GAS7: variants seen among roughly 807,000 people sequenced by gnomAD.
GAS7 encodes growth arrest-specific protein 7.
A neutral mutation model predicts 71.1 loss-of-function variants in GAS7; 28 were observed. The ratio of observed to expected loss-of-function variants is 0.39; its 90% CI spans 0.29 to 0.54. The LOEUF is 0.54. Among genes scored for constraint, GAS7 ranks in the 20% least tolerant of loss-of-function variants. The pLI is 0.62. For synonymous variants in GAS7, 258 were observed against 245.8 expected (o/e 1.05, Z -0.46); for missense variants, 436 against 627.8 (o/e 0.69, Z 3.27).
intron 1 of GAS7, among the ~76,000 whole-genome samples, chr17:10,134,431 G>A (rs918418417): frequency 3.3e-5 from 5 of 152,074 alleles, no homozygotes; most frequent in East Asian, 1.9e-4. Context: ...TATTTCCTTC[G>A]GATATATACC....
At chr17:10,175,990 C>T (rs776375503) in intron 1 of GAS7, among the ~76,000 whole-genome samples, 7 of 152,182 alleles carry the variant, frequency 4.6e-5, no homozygotes, top group African/African-American at 1.4e-4. Flanking sequence ...CGTTATCACT[C>T]GGTCTGGTTC....
chr17:9,918,221 G>A (rs2067662397), intron 12 of GAS7, 122 bp from the exon 13 acceptor site: 2 of 667,294 alleles, frequency 3.0e-6, no homozygotes, highest in African/African-American at 1.8e-5. Flanking sequence ...GACTCTCTGG[G>A]GTCTGATGAA....
rs369650291 is a variant in GAS7, at chr17:9,977,527, G to A, written c.385+4277C>T. Reference sequence around the variant, plus strand: ...ATATTTGCAGCAGTTACTGAATGGCGTCTTAGGTGTTCTGTTTTGGTTTAA... The same window carrying A: ...ATATTTGCAGCAGTTACTGAATGGCATCTTAGGTGTTCTGTTTTGGTTTAA... On this transcript the variant is annotated intron_variant, in intron 3 of 13. Transcript: ENST00000432992. Among the ~76,000 whole-genome samples the A allele has an allele frequency of 2.8e-4, 43 of 152,264 alleles. No individual in the cohort carries two copies. In the East Asian group the frequency reaches 4.8e-3, roughly 17 times the overall value.
chr17:10,063,277 C>T (rs779066177), intron 1 of GAS7, among the ~76,000 whole-genome samples: 37 of 152,192 alleles, frequency 2.4e-4, no homozygotes, highest in Non-Finnish European at 4.1e-4. Context: ...TGTGTGTGCG[C>T]GCGCACGCGT....
chr17:9,972,375 C>T (rs1289381281), intron 3 of GAS7, among the ~76,000 whole-genome samples: 1 of 152,180 alleles, frequency 6.6e-6, no homozygotes, highest in Non-Finnish European at 1.5e-5. Context: ...CACCCTACAA[C>T]GAGGGCATGA....
chr17:10,095,680 C>T (rs2073633878), intron 1 of GAS7, among the ~76,000 whole-genome samples: 1 of 151,568 alleles, frequency 6.6e-6, no homozygotes, highest in Admixed American at 6.6e-5. Context: ...ATTAGCTGGG[C>T]ATGGTGGTGC....
chr17:10,126,729 T>C lies in GAS7; in HGVS notation c.183+71479A>G, dbSNP rs114868356. 2.1e-3 allele frequency among the ~76,000 whole-genome samples: 322 copies of C among 152,290 alleles called. 2 individuals carry two copies. Among genetic ancestry groups the C allele is most frequent in the African/African-American group, 6.5e-3 (272 of 41,560 alleles). On this transcript the variant is annotated intron_variant, in intron 1 of 13. Coordinates refer to ENST00000432992, the MANE Select transcript of GAS7 (RefSeq NM_201433.2). Reference sequence around the variant, plus strand: ...CTCACTTGTTAAACAACAGCCTTCTTTTGAGGGTTAGGAGCCAGTCCCAGC... The same window carrying C: ...CTCACTTGTTAAACAACAGCCTTCTCTTGAGGGTTAGGAGCCAGTCCCAGC...
At chr17:10,130,346 A>C (rs984158584) in intron 1 of GAS7, among the ~76,000 whole-genome samples, 2 of 151,906 alleles carry the variant, frequency 1.3e-5, no homozygotes, top group African/African-American at 4.8e-5. Context: ...AAAAAAAAAA[A>C]AACGTAGATA....
At chr17:10,156,772 G>A (rs1031968485) in intron 1 of GAS7, among the ~76,000 whole-genome samples, 4 of 151,976 alleles carry the variant, frequency 2.6e-5, no homozygotes, top group Admixed American at 6.6e-5. Context: ...TAGAGCAGTC[G>A]GCCCCCTCCT....
chr17:10,008,433 C>G (rs568669870), intron 2 of GAS7, among the ~76,000 whole-genome samples: 3 of 152,304 alleles, frequency 2.0e-5, no homozygotes, highest in Non-Finnish European at 1.5e-5. Context: ...ACTCAACTTC[C>G]TAGAATAGAG....
intron 2 of GAS7, among the ~76,000 whole-genome samples, chr17:9,987,575 C>T (rs1441713718): frequency 6.6e-6 from 1 of 152,160 alleles, no homozygotes; most frequent in East Asian, 1.9e-4. Flanking sequence ...TCCAGGAGTT[C>T]AAGTCCAGCC....
intron 1 of GAS7, among the ~76,000 whole-genome samples, chr17:10,130,342 A>C (rs931332131): frequency 2.4e-4 from 37 of 152,046 alleles, no homozygotes; most frequent in African/African-American, 8.7e-4. Context: ...AAAAAAAAAA[A>C]AAAAAACGTA....
chr17:10,004,790 T>A (rs1416467520), intron 2 of GAS7, among the ~76,000 whole-genome samples: 1 of 152,140 alleles, frequency 6.6e-6, no homozygotes, highest in Non-Finnish European at 1.5e-5. Flanking sequence ...GGAGGGCAGA[T>A]CACGAGGTCA....
Position 9,969,811 on chromosome 17 carries a change from C to T in GAS7, c.386-49G>A, listed in dbSNP as rs371728858. ...AGATGCTGTGTGGGCCACAGATGGG[C>T]ACCCCCGCCTTTCGTCCACTGCAGC... On this transcript the variant is annotated intron_variant, in intron 3 of 13. Coordinates refer to ENST00000432992, the MANE Select transcript of GAS7 (RefSeq NM_201433.2). This position sits in a 1 kb window ranked among gnomAD's most constrained non-coding sequence, Gnocchi z 5.5. 4.9e-5 allele frequency: 61 copies of T among 1,245,468 alleles called. No individual in the cohort carries two copies. Among genetic ancestry groups the T allele is most frequent in the African/African-American group, 1.3e-4 (9 of 67,964 alleles). 77.2% of individuals were successfully genotyped at this position (1,245,468 alleles called of 1,614,324 possible). A position where few individuals can be genotyped will look rare whatever the true frequency, so the allele number is the denominator to read the frequency against.
At chr17:10,042,408 A>G (rs1391558452) in intron 1 of GAS7, among the ~76,000 whole-genome samples, 1 of 152,148 alleles carries the variant, frequency 6.6e-6, no homozygotes, top group Non-Finnish European at 1.5e-5. Context: ...CATCAGCCCA[A>G]GCAGTCTCTA....
chr17:10,126,042 C>T (rs1217767510), intron 1 of GAS7, among the ~76,000 whole-genome samples: 4 of 152,146 alleles, frequency 2.6e-5, no homozygotes, highest in Non-Finnish European at 5.9e-5. Context: ...TGGCCCCCAT[C>T]GCAGAGCAGC....
chr17:9,996,103 T>C (rs917072922), intron 2 of GAS7, among the ~76,000 whole-genome samples: 2 of 152,236 alleles, frequency 1.3e-5, no homozygotes, highest in African/African-American at 4.8e-5. Context: ...ATAACCATGC[T>C]GCTATAAAGA....
intron 2 of GAS7, among the ~76,000 whole-genome samples, chr17:9,988,752 C>T (rs1255162034): frequency 1.3e-5 from 2 of 152,120 alleles, no homozygotes; most frequent in African/African-American, 4.8e-5. Context: ...AAACTACTCT[C>T]TGAAGAACCA....
At position 9,987,116 on chromosome 17, in the gene GAS7, G is replaced by A. The variant is rs527946109; in HGVS notation, c.305-5232C>T. Reference sequence around the variant, plus strand: ...CAGCTCCAGGCCTCAAGAGATGCTGGATTGAGACCCTTCTGCATTCTCTGG... The same window carrying A: ...CAGCTCCAGGCCTCAAGAGATGCTGAATTGAGACCCTTCTGCATTCTCTGG... On this transcript the variant is annotated intron_variant, in intron 2 of 13. Coordinates refer to ENST00000432992, the MANE Select transcript of GAS7 (RefSeq NM_201433.2). Among the ~76,000 whole-genome samples the A allele has an allele frequency of 3.3e-5, 5 of 152,344 alleles. No individual in the cohort carries two copies. In the South Asian group the frequency reaches 1.0e-3, roughly 32 times the overall value.
Sources: gnomAD v4.1 joint callset for allele counts (sites outside exome capture counted in the v4.1 genomes callset) on GRCh38, gnomAD v4.1.1 for gene constraint, Gnocchi (gnomAD v3.1) non-coding constraint, MANE v1.5 for transcripts, NCBI Gene and HGNC (gene_info 2026-07-23, HGNC 2026-07-21) for gene names.